CDK12: variants seen among roughly 807,000 people sequenced by gnomAD.
CDK12 encodes cyclin-dependent kinase 12.
CDK12 carries 17 observed loss-of-function variants against 133.8 expected under a neutral mutation model. The observed-to-expected ratio is 0.13, with a 90% CI of 0.09 to 0.19. The LOEUF is 0.19. Ranked by LOEUF, CDK12 falls within the 10% of genes least tolerant of loss-of-function variation. CDK12 has a pLI of 1.00. For synonymous variants in CDK12, 694 were observed against 683.6 expected (o/e 1.02, Z -0.24); for missense variants, 1,508 against 1,818.7 (o/e 0.83, Z 3.11).
chr17:39,541,362 CTTTTTTTTTTTTTT>C (rs201866427), intron 1 of CDK12, among the ~76,000 whole-genome samples: 94,655 of 138,014 alleles, frequency 0.69, 32,909 homozygotes, highest in South Asian at 0.9. Context: ...GAGTTTGGCT[CTTTTTTTTTTTTTT>C]TTTTTTTTTG....
chr17:39,468,802 AATTAATTT>A (rs1486609071), intron 1 of CDK12, among the ~76,000 whole-genome samples: 6 of 148,492 alleles, frequency 4.0e-5, no homozygotes, highest in Non-Finnish European at 7.4e-5. Flanking sequence ...TTAATTAATT[AATTAATTT>A]ATTTATTTAT....
chr17:39,465,095 A>T (rs1280527723), intron 1 of CDK12, among the ~76,000 whole-genome samples: 4 of 151,926 alleles, frequency 2.6e-5, no homozygotes, highest in African/African-American at 7.3e-5. Flanking sequence ...AAATATAAAA[A>T]ATTAGTTGGG....
At chr17:39,561,975 T>C (rs1431284250) in intron 3 of CDK12, among the ~76,000 whole-genome samples, 1 of 152,198 alleles carries the variant, frequency 6.6e-6, no homozygotes, top group Non-Finnish European at 1.5e-5. Flanking sequence ...AGTCTTGCCC[T>C]GTCACCCAGG....
intron 13 of CDK12, among the ~76,000 whole-genome samples, chr17:39,528,454 C>T (rs1359115783): frequency 6.6e-6 from 1 of 152,072 alleles, no homozygotes; most frequent in African/African-American, 2.4e-5. Context: ...CTGCCTCAGC[C>T]TCCTAGTAGC....
rs750404979 is a variant in CDK12 at position 39,462,691 on chromosome 17, C to T, written c.620C>T (p.Pro207Leu). ...AAAAGTCATCGAAAAAGGGAAACAC[C>T]CAAAAGTTACAAAACAGTGGACAGC... ...RSKSHRKRET[P>L]KSYKTVDSPK... Residue 207 changes from proline to leucine, a missense_variant, in exon 1 of 14, where the codon CCC becomes CTC. Physicochemically the swap from Pro to Leu is moderately conservative, Grantham distance 98. Coordinates refer to ENST00000447079, the MANE Select transcript of CDK12 (RefSeq NM_016507.4). The T allele has an allele frequency of 6.2e-7, 1 of 1,614,080 alleles. No individual in the cohort carries two copies.
At chr17:39,552,615 C>A (rs2055998515) in intron 2 of CDK12, among the ~76,000 whole-genome samples, 1 of 152,204 alleles carries the variant, frequency 6.6e-6, no homozygotes, top group Admixed American at 6.5e-5. Context: ...CATGTTAGAG[C>A]TAGGGCTAAA....
chr17:39,536,898 A>G (rs2055157435), downstream of CDK12, among the ~76,000 whole-genome samples: 1 of 152,234 alleles, frequency 6.6e-6, no homozygotes, highest in African/African-American at 2.4e-5. Context: ...AAGAAGGTAT[A>G]GCCATGAAAT....
intron 13 of CDK12, chr17:39,530,287 G>GGC: frequency 4.1e-6 from 1 of 241,042 alleles, no homozygotes; most frequent in Non-Finnish European, 8.2e-6. Context: ...AGCAAAAAGG[G>GGC]GCAGGGAGTC....
At chr17:39,534,576 T>C (rs2055046508), downstream of CDK12, 1 of 229,224 alleles carries the variant, frequency 4.4e-6, no homozygotes, top group African/African-American at 2.2e-5. Flanking sequence ...TACTTCTTAA[T>C]CTGTACCCCC....
chr17:39,501,769 T>C (rs2052731767), intron 6 of CDK12, among the ~76,000 whole-genome samples: 1 of 152,160 alleles, frequency 6.6e-6, no homozygotes, highest in African/African-American at 2.4e-5. Context: ...TTTTATCATT[T>C]GCTTTCTTCT....
At chr17:39,537,806 C>A (rs1018702804), downstream of CDK12, among the ~76,000 whole-genome samples, 5 of 152,066 alleles carry the variant, frequency 3.3e-5, no homozygotes, top group African/African-American at 9.7e-5. Context: ...TTGTGATCCA[C>A]CCGCCTCGGC....
At chr17:39,561,115 G>A (rs536335046) in intron 3 of CDK12, among the ~76,000 whole-genome samples, 38 of 152,330 alleles carry the variant, frequency 2.5e-4, no homozygotes, top group African/African-American at 8.2e-4. Flanking sequence ...TGAATGGTGC[G>A]CCTGAGCATT....
downstream of CDK12, among the ~76,000 whole-genome samples, chr17:39,538,466 T>C (rs954198348): frequency 1.3e-5 from 2 of 152,178 alleles, no homozygotes; most frequent in African/African-American, 4.8e-5. Context: ...GAGGAACATG[T>C]ATGGTGTTGC....
intron 3 of CDK12, among the ~76,000 whole-genome samples, chr17:39,558,422 C>G (rs1005571170): frequency 6.6e-6 from 1 of 152,094 alleles, no homozygotes; most frequent in Non-Finnish European, 1.5e-5. Context: ...CTTTTGATAC[C>G]CAGAACCAGT....
intron 1 of CDK12, among the ~76,000 whole-genome samples, chr17:39,466,907 C>T (rs2049369676): frequency 1.2e-5 from 1 of 84,960 alleles, no homozygotes; most frequent in African/African-American, 3.3e-5. Context: ...TAGATCCCTT[C>T]TATGATATTC....
At chr17:39,545,496 C>CTTTTTTT (rs34616390), upstream of CDK12, among the ~76,000 whole-genome samples, 3 of 103,598 alleles carry the variant, frequency 2.9e-5, no homozygotes, top group South Asian at 3.2e-4. Flanking sequence ...CCCCAAAAAG[C>CTTTTTTT]TTTTTTTTTT....
chr17:39,510,398 C>T (rs566051626), intron 7 of CDK12, among the ~76,000 whole-genome samples: 3 of 152,094 alleles, frequency 2.0e-5, no homozygotes, highest in East Asian at 1.9e-4. Flanking sequence ...GGATTACAGG[C>T]GTGAGCCACC....
intron 11 of CDK12, among the ~76,000 whole-genome samples, chr17:39,523,123 G>A (rs2054284550): frequency 6.6e-6 from 1 of 152,006 alleles, no homozygotes. Flanking sequence ...TCTTATGAAT[G>A]CCTCTGTATT....
intron 2 of CDK12, among the ~76,000 whole-genome samples, chr17:39,474,103 G>A (rs2050008672): frequency 6.6e-6 from 1 of 152,130 alleles, no homozygotes; most frequent in African/African-American, 2.4e-5. Context: ...GGACTAACTA[G>A]GCAAGTACCA....
Sources: allele counts gnomAD v4.1 joint callset (sites outside exome capture counted in the v4.1 genomes callset), GRCh38; gene constraint gnomAD v4.1.1; transcripts MANE v1.5; gene names NCBI Gene and HGNC (gene_info 2026-07-23, HGNC 2026-07-21).